The following PTPRD variants were observed in gnomAD, a reference collection of about 807,000 sequenced individuals.
PTPRD encodes protein tyrosine phosphatase receptor type D.
PTPRD carries 34 observed loss-of-function variants against 214.5 expected under a neutral mutation model. The ratio of observed to expected loss-of-function variants is 0.16; its 90% confidence interval spans 0.12 to 0.21. The LOEUF is 0.21. Among genes scored for constraint, PTPRD ranks in the 10% least tolerant of loss-of-function variants. The probability of loss-of-function intolerance (pLI) is 1.00; values close to 1 mark genes in which losing one functional copy is unlikely to be tolerated. For synonymous variants in PTPRD, 1,128 were observed against 845.7 expected, an observed-to-expected ratio of 1.33 and a Z score of -5.79; for missense variants, 2,545 against 2,398.7, an observed-to-expected ratio of 1.06 and a Z score of -1.27.
intron 14 of PTPRD, among the ~76,000 whole-genome samples, chr9:8,543,803 C>T (rs1015672830): frequency 2.0e-5 from 3 of 152,118 alleles, no homozygotes; most frequent in African/African-American, 7.2e-5. Flanking sequence ...ACCTCTGCCT[C>T]CTGGGTTCAA....
chr9:9,167,133 T>A (rs752509264), intron 10 of PTPRD, among the ~76,000 whole-genome samples: 3 of 152,114 alleles, frequency 2.0e-5, no homozygotes, highest in Non-Finnish European at 4.4e-5. Context: ...GGAGCCCAAA[T>A]CAGAACTATG....
chr9:10,607,887 A>C (rs2079884548), intron 2 of PTPRD, among the ~76,000 whole-genome samples: 2 of 151,982 alleles, frequency 1.3e-5, no homozygotes, highest in Admixed American at 6.6e-5. Context: ...AGATCAATGA[A>C]ACTATTTTAT....
chr9:9,543,815 C>T (rs1000331302), intron 8 of PTPRD, among the ~76,000 whole-genome samples: 8 of 151,612 alleles, frequency 5.3e-5, no homozygotes, highest in Non-Finnish European at 1.2e-4. Flanking sequence ...GTTATTAAAA[C>T]ATGAAAATAA....
At chr9:10,365,129 G>C (rs746660200) in intron 2 of PTPRD, among the ~76,000 whole-genome samples, 1 of 152,020 alleles carries the variant, frequency 6.6e-6, no homozygotes, top group Non-Finnish European at 1.5e-5. Flanking sequence ...CTCTTCTTTG[G>C]ACTATTGTGG....
At chr9:9,727,455 T>C (rs951998926) in intron 7 of PTPRD, among the ~76,000 whole-genome samples, 4 of 152,000 alleles carry the variant, frequency 2.6e-5, no homozygotes, top group African/African-American at 9.7e-5. Context: ...TGTCTGAAAA[T>C]TAAATTAAAT....
intron 11 of PTPRD, among the ~76,000 whole-genome samples, chr9:8,991,566 G>A (rs369483061): frequency 5.9e-5 from 9 of 152,224 alleles, no homozygotes; most frequent in Admixed American, 1.3e-4. Context: ...GTTCATTTGT[G>A]TGGGAGTAAG....
chr9:8,564,831 G>A (rs569788208), intron 14 of PTPRD, among the ~76,000 whole-genome samples: 2 of 152,212 alleles, frequency 1.3e-5, no homozygotes, highest in East Asian at 1.9e-4. Flanking sequence ...TTCACTTATT[G>A]GAGGGAAGAG....
chr9:9,109,993 C>T (rs755953319), intron 10 of PTPRD, among the ~76,000 whole-genome samples: 1 of 151,866 alleles, frequency 6.6e-6, no homozygotes, highest in Non-Finnish European at 1.5e-5. Flanking sequence ...ACGAAATGAG[C>T]TTGGCACCAA....
chr9:8,795,789 T>C lies in PTPRD; in HGVS notation c.-103-61843A>G, dbSNP rs117889868. Among the ~76,000 whole-genome samples, 1,053 of 152,284 alleles carry C rather than the reference T, an allele frequency of 6.9e-3. 7 individuals carry two copies. Among genetic ancestry groups the C allele is most frequent in the Middle Eastern group, 0.024 (7 of 294 alleles). On this transcript the variant is annotated intron_variant, in intron 11 of 45. Coordinates refer to ENST00000381196, the MANE Select transcript of PTPRD (RefSeq NM_002839.4). ...CTAAAGTCAAAGTTATCTAAAGCAA[T>C]CTATGCTACTGTTCACTATGTAACA...
At chr9:8,798,223 A>C (rs954754780) in intron 11 of PTPRD, among the ~76,000 whole-genome samples, 1 of 152,094 alleles carries the variant, frequency 6.6e-6, no homozygotes, top group Non-Finnish European at 1.5e-5. Context: ...AATACATTAG[A>C]TCTTTAAATA....
intron 11 of PTPRD, among the ~76,000 whole-genome samples, chr9:8,997,735 G>A (rs918351623): frequency 6.6e-6 from 1 of 152,126 alleles, no homozygotes; most frequent in Non-Finnish European, 1.5e-5. Flanking sequence ...GAAGGAATGT[G>A]AAACACCCAG....
At position 8,513,439 on chromosome 9, in the gene PTPRD, G is replaced by T. The variant is rs190412497; in HGVS notation, c.1543+4409C>A. 2.7e-3 allele frequency among the ~76,000 whole-genome samples: 417 copies of T among 151,988 alleles called. 2 individuals carry two copies. Among genetic ancestry groups the T allele is most frequent in the African/African-American group, 9.7e-3 (403 of 41,500 alleles). On this transcript the variant is annotated intron_variant, in intron 21 of 45. Coordinates refer to ENST00000381196, the MANE Select transcript of PTPRD (RefSeq NM_002839.4). ...CTAAATACTGTTCTTTTGGAATCCG[G>T]TTTCAAACAAAAACAGGAATGTGAA...
chr9:9,604,159 A>G (rs1339667862), intron 7 of PTPRD, among the ~76,000 whole-genome samples: 3 of 152,106 alleles, frequency 2.0e-5, no homozygotes, highest in Non-Finnish European at 4.4e-5. Context: ...ATATTAGAAC[A>G]TAAGCCACTG....
At position 10,063,124 on chromosome 9, in the gene PTPRD, C is replaced by G. The variant is rs566169279; in HGVS notation, c.-544-29334G>C. Among the ~76,000 whole-genome samples the G allele has an allele frequency of 3.3e-5, 5 of 152,062 alleles. No homozygotes were observed. The South Asian group carries it at 1.0e-3, about 32-fold the overall frequency. On this transcript the variant is annotated intron_variant, in intron 3 of 45. Coordinates refer to ENST00000381196, the MANE Select transcript of PTPRD (RefSeq NM_002839.4). ...TAATTAGCAGTAGGAATCGACTGTACCAAATACAGCAAGTACACTAATATG... is the reference window on the plus strand; with the variant it reads ...TAATTAGCAGTAGGAATCGACTGTAGCAAATACAGCAAGTACACTAATATG...
At chr9:10,163,003 C>G (rs1266446066) in intron 3 of PTPRD, among the ~76,000 whole-genome samples, 1 of 150,630 alleles carries the variant, frequency 6.6e-6, no homozygotes, top group African/African-American at 2.4e-5. Context: ...TATCTACTAC[C>G]TATCTAAATG....
intron 5 of PTPRD, among the ~76,000 whole-genome samples, chr9:9,837,465 T>A (rs1336213286): frequency 2.0e-5 from 3 of 152,114 alleles, no homozygotes; most frequent in African/African-American, 7.2e-5. Context: ...ATTGTATTAA[T>A]CTTGATGGGA....
chr9:10,540,897 C>T (rs953201684), intron 2 of PTPRD, among the ~76,000 whole-genome samples: 4 of 151,948 alleles, frequency 2.6e-5, no homozygotes, highest in Non-Finnish European at 5.9e-5. Flanking sequence ...TAGCAGAGGC[C>T]AAAGAATGAA....
intron 5 of PTPRD, among the ~76,000 whole-genome samples, chr9:9,888,099 C>G (rs905429983): frequency 2.0e-5 from 3 of 152,176 alleles, no homozygotes; most frequent in Non-Finnish European, 4.4e-5. Flanking sequence ...GCAGCCATTC[C>G]TCTCCCTTCA....
intron 5 of PTPRD, among the ~76,000 whole-genome samples, chr9:9,848,850 A>T (rs1040329117): frequency 6.6e-6 from 1 of 152,110 alleles, no homozygotes; most frequent in Non-Finnish European, 1.5e-5. Context: ...CCTAAGTATT[A>T]AATGTAAATC....
Sources: allele counts gnomAD v4.1 joint callset (sites outside exome capture counted in the v4.1 genomes callset), GRCh38; gene constraint gnomAD v4.1.1; transcripts MANE v1.5; gene names NCBI Gene and HGNC (gene_info 2026-07-23, HGNC 2026-07-21).